NCAM2: variants seen among roughly 807,000 people sequenced by gnomAD.
The protein encoded by NCAM2 is neural cell adhesion molecule 2.
In NCAM2, 30 loss-of-function variants were observed where a neutral mutation model predicts 98.1. The ratio of observed to expected loss-of-function variants is 0.31; its 90% CI spans 0.23 to 0.41. The LOEUF (loss-of-function observed/expected upper bound fraction) is 0.41. Ranked by LOEUF, NCAM2 falls within the 10% of genes least tolerant of loss-of-function variation. NCAM2 has a pLI of 1.00. For missense variants in NCAM2, 867 were observed against 1,005.8 expected, an observed-to-expected ratio of 0.86 and a Z score of 1.87; for synonymous variants, 368 against 342.4, an observed-to-expected ratio of 1.07 and a Z score of -0.83.
At chr21:21,246,123 A>T (rs979093611) in intron 1 of NCAM2, among the ~76,000 whole-genome samples, 1 of 152,232 alleles carries the variant, frequency 6.6e-6, no homozygotes, top group South Asian at 2.1e-4. Context: ...TGTCTCTTGG[A>T]TCCCTCAACT....
At chr21:21,177,176 A>G (rs559782355) in intron 1 of NCAM2, among the ~76,000 whole-genome samples, 2 of 152,258 alleles carry the variant, frequency 1.3e-5, no homozygotes, top group Admixed American at 1.3e-4. Context: ...TACAGCAGAA[A>G]CTTAAATGAA....
chr21:21,300,057 A>C lies in NCAM2; in HGVS notation c.619+7816A>C, dbSNP rs534626587. ...TTTTTATTGCTGTATTGGTATTTTA[A>C]ATGATTTTTAAAAATATTTTTGATC... On this transcript the variant is annotated intron_variant, in intron 5 of 17. Coordinates refer to ENST00000400546, the MANE Select transcript of NCAM2 (RefSeq NM_004540.5). Among the ~76,000 whole-genome samples, 40 of 152,078 alleles carry C rather than the reference A, an allele frequency of 2.6e-4. No homozygotes were observed. The South Asian group carries it at 5.6e-3, about 21-fold the overall frequency.
chr21:21,405,789 A>G (rs1479779009), intron 9 of NCAM2, among the ~76,000 whole-genome samples: 2 of 152,126 alleles, frequency 1.3e-5, no homozygotes, highest in South Asian at 2.1e-4. Flanking sequence ...TAGTTTAACA[A>G]TATTTCTTAT....
In NCAM2 at chr21:21,292,148, A is replaced by G. The variant is rs2073320626; in HGVS notation, c.526A>G (p.Ile176Val). 4 of 1,611,248 alleles carry G rather than the reference A, an allele frequency of 2.5e-6. No homozygotes were observed. The highest frequency in any genetic ancestry group is 3.4e-6 in the Non-Finnish European group (4 of 1,178,406). ...LANNNLQILN[I>V]NKSDEGIYRC... is the part of the protein sequence containing the mutation. Reference sequence around the variant, plus strand: ...AAACAATAACCTGCAGATTCTCAACATCAATAAAAGTGATGAAGGTATATA... The same window carrying G: ...AAACAATAACCTGCAGATTCTCAACGTCAATAAAAGTGATGAAGGTATATA... The change falls in exon 5 of 18, where the codon ATC becomes GTC. Residue 176 changes from isoleucine to valine, a missense_variant. Around this residue, in one of 5 missense-constraint regions of NCAM2, gnomAD observed 447 missense variants for 495.7 expected, o/e 0.90. Coordinates refer to ENST00000400546, the MANE Select transcript of NCAM2 (RefSeq NM_004540.5).
intron 12 of NCAM2, among the ~76,000 whole-genome samples, chr21:21,451,829 A>G (rs1275445078): frequency 6.6e-6 from 1 of 152,058 alleles, no homozygotes; most frequent in Admixed American, 6.6e-5. Flanking sequence ...TCATCTCCAC[A>G]GTTTATTGTG....
At chr21:21,033,643 G>A (rs1325701056) in intron 1 of NCAM2, among the ~76,000 whole-genome samples, 3 of 152,122 alleles carry the variant, frequency 2.0e-5, no homozygotes, top group African/African-American at 7.2e-5. Flanking sequence ...GTAAGGGGAG[G>A]TAAGTATGTG....
At chr21:21,103,269 A>G (rs1391248866) in intron 1 of NCAM2, among the ~76,000 whole-genome samples, 1 of 152,074 alleles carries the variant, frequency 6.6e-6, no homozygotes, top group Non-Finnish European at 1.5e-5. Flanking sequence ...GTGAGCAGAA[A>G]AAAATCAGCA....
intron 1 of NCAM2, among the ~76,000 whole-genome samples, chr21:21,262,472 T>C (rs767048020): frequency 1.3e-5 from 2 of 151,864 alleles, no homozygotes; most frequent in Non-Finnish European, 2.9e-5. Flanking sequence ...ACAAAATACT[T>C]GCAAGAAAAA....
chr21:21,487,403 T>A (rs1410439943), intron 15 of NCAM2, among the ~76,000 whole-genome samples: 1 of 151,940 alleles, frequency 6.6e-6, no homozygotes, highest in African/African-American at 2.4e-5. Flanking sequence ...TTTTTTTTCA[T>A]ACAATGGAGT....
chr21:21,407,684 C>G (rs1198558643), intron 9 of NCAM2, among the ~76,000 whole-genome samples: 1 of 152,062 alleles, frequency 6.6e-6, no homozygotes, highest in Non-Finnish European at 1.5e-5. Context: ...TTATATTTTA[C>G]ATACCTTAAC....
intron 5 of NCAM2, among the ~76,000 whole-genome samples, chr21:21,300,026 G>C (rs1462163174): frequency 6.6e-6 from 1 of 151,770 alleles, no homozygotes; most frequent in East Asian, 1.9e-4. Flanking sequence ...TAAAAAAATT[G>C]TTCTATTTTT....
intron 12 of NCAM2, among the ~76,000 whole-genome samples, chr21:21,444,551 G>C (rs1465304526): frequency 6.6e-6 from 1 of 152,048 alleles, no homozygotes; most frequent in African/African-American, 2.4e-5. Context: ...CTTCTTCCTG[G>C]TTTGGTCATG....
chr21:21,045,265 A>G (rs904604188), intron 1 of NCAM2, among the ~76,000 whole-genome samples: 1 of 152,300 alleles, frequency 6.6e-6, no homozygotes, highest in South Asian at 2.1e-4. Context: ...AACACAGACA[A>G]GGCAAATAAA....
intron 15 of NCAM2, among the ~76,000 whole-genome samples, chr21:21,501,415 C>A (rs1256362127): frequency 1.3e-5 from 2 of 151,822 alleles, no homozygotes; most frequent in East Asian, 3.9e-4. Flanking sequence ...TTTGTCGTGT[C>A]TTTTGTAATT....
In NCAM2 at chr21:21,381,280, G is replaced by A. The variant is rs145899182; in HGVS notation, c.1195+7267G>A. Among the ~76,000 whole-genome samples, 964 of 152,240 alleles carry A rather than the reference G, an allele frequency of 6.3e-3. 12 individuals carry two copies. Among genetic ancestry groups the A allele is most frequent in the African/African-American group, 0.022 (922 of 41,554 alleles). On this transcript the variant is annotated intron_variant, in intron 9 of 17. Transcript: ENST00000400546. ...ACATATAAAAGAAGCCCTTGGGCAAGACTTTGCCCATGGGCTATAATTTGC... is the reference window on the plus strand; with the variant it reads ...ACATATAAAAGAAGCCCTTGGGCAAAACTTTGCCCATGGGCTATAATTTGC...
intron 6 of NCAM2, among the ~76,000 whole-genome samples, chr21:21,333,395 C>T (rs534117947): frequency 6.6e-6 from 1 of 152,252 alleles, no homozygotes; most frequent in East Asian, 1.9e-4. Flanking sequence ...CTTGTCATAT[C>T]TCCCGTTATA....
intron 1 of NCAM2, among the ~76,000 whole-genome samples, chr21:21,040,247 C>G (rs1014419419): frequency 6.6e-6 from 1 of 152,072 alleles, no homozygotes; most frequent in African/African-American, 2.4e-5. Context: ...TTATTAAAGA[C>G]TCATGAAGCT....
chr21:21,078,838 T>A (rs1257586052), intron 1 of NCAM2, among the ~76,000 whole-genome samples: 1 of 152,176 alleles, frequency 6.6e-6, no homozygotes, highest in Non-Finnish European at 1.5e-5. Context: ...ATATATGCCA[T>A]GGAATACTAT....
intron 1 of NCAM2, among the ~76,000 whole-genome samples, chr21:21,096,235 A>G (rs1251273059): frequency 6.6e-6 from 1 of 151,714 alleles, no homozygotes; most frequent in Non-Finnish European, 1.5e-5. Flanking sequence ...AATGCTATAT[A>G]TATATTTTTT....
Sources: gnomAD v4.1 joint callset for allele counts (sites outside exome capture counted in the v4.1 genomes callset) on GRCh38, gnomAD v4.1.1 for gene constraint, gnomAD v4.1.1 regional missense constraint, MANE v1.5 for transcripts, NCBI Gene and HGNC (gene_info 2026-07-23, HGNC 2026-07-21) for gene names.